FHIP2A: variants seen among roughly 807,000 people sequenced by gnomAD.
The protein encoded by FHIP2A is family with sequence similarity 160 member B1.
In FHIP2A, 46 loss-of-function variants were observed where a neutral mutation model predicts 93.5. The ratio of observed to expected loss-of-function variants is 0.49; its 90% CI spans 0.39 to 0.63. The LOEUF (loss-of-function observed/expected upper bound fraction) is 0.63, where lower values mean the gene tolerates loss of function less well. Among genes scored for constraint, FHIP2A ranks in the 20% least tolerant of loss-of-function variants. FHIP2A has a pLI of 0.00. For synonymous variants in FHIP2A, 332 were observed against 326.5 expected, an observed-to-expected ratio of 1.02 and a Z score of -0.18; for missense variants, 769 against 909.7, an observed-to-expected ratio of 0.85 and a Z score of 1.99.
chr10:114,888,029 GC>G (rs1490709961), intron 16 of FHIP2A, among the ~76,000 whole-genome samples: 2 of 152,122 alleles, frequency 1.3e-5, no homozygotes, highest in African/African-American at 4.8e-5. Flanking sequence ...TCATTCCCCA[GC>G]CCCATCTCAG....
intron 13 of FHIP2A, among the ~76,000 whole-genome samples, chr10:114,849,285 C>T (rs1026643869): frequency 1.3e-5 from 2 of 152,080 alleles, no homozygotes; most frequent in African/African-American, 2.4e-5. Context: ...TATATCTCAC[C>T]CGGATCCATT....
chr10:114,861,649 A>G lies in FHIP2A; in HGVS notation c.*109A>G. On this transcript the variant is annotated 3_prime_UTR_variant, in exon 17 of 17. Transcript: ENST00000369248. Reference sequence around the variant, plus strand: ...GATAAAAAGCCTTTTTAAACGCAGTATTGCTGTAAACTGGACAGAACCATT... The same window carrying G: ...GATAAAAAGCCTTTTTAAACGCAGTGTTGCTGTAAACTGGACAGAACCATT... The G allele has an allele frequency of 6.8e-7, 1 of 1,475,744 alleles. No homozygotes were observed. Among genetic ancestry groups the G allele is most frequent in the South Asian group, 1.4e-5 (1 of 71,446 alleles). 91.4% of individuals were successfully genotyped at this position (1,475,744 alleles called of 1,614,324 possible).
In FHIP2A at chr10:114,836,157, A is replaced by G. The variant is rs754524961; in HGVS notation, c.433A>G (p.Thr145Ala). Residue 145 changes from threonine to alanine, a missense_variant, in exon 5 of 17, where the codon ACA becomes GCA. Coordinates refer to ENST00000369248, the MANE Select transcript of FHIP2A (RefSeq NM_020940.4). Reference protein sequence around the residue: ...LIRLCGEVLATPTENEEIQFL... With the variant: ...LIRLCGEVLAAPTENEEIQFL... Reference sequence around the variant, plus strand: ...TAGACTCTGTGGTGAAGTCCTAGCAACACCAACAGAAAATGAAGAGATTCA... The same window carrying G: ...TAGACTCTGTGGTGAAGTCCTAGCAGCACCAACAGAAAATGAAGAGATTCA... 5.0e-6 allele frequency: 8 copies of G among 1,602,114 alleles called. 1 individual carries two copies. The highest frequency in any genetic ancestry group is 1.7e-5 in the Admixed American group (1 of 59,966).
chr10:114,861,366 A>G (rs1311903338), intron 16 of FHIP2A, 32 bp downstream of exon 16: 2 of 1,613,462 alleles, frequency 1.2e-6, no homozygotes, highest in African/African-American at 1.3e-5. Context: ...TTTTAATCCA[A>G]AAATTTCAGT....
At chr10:114,860,090 G>A (rs34683721) in intron 14 of FHIP2A, among the ~76,000 whole-genome samples, 48,399 of 151,922 alleles carry the variant, frequency 0.32, 8,285 homozygotes, top group Non-Finnish European at 0.39. Flanking sequence ...TATGCTCAAT[G>A]GGTCCTCTGT....
chr10:114,851,600 T>A (rs2083736438), intron 13 of FHIP2A, among the ~76,000 whole-genome samples: 1 of 150,660 alleles, frequency 6.6e-6, no homozygotes, highest in African/African-American at 2.4e-5. Context: ...TTGCAGTAAG[T>A]TTTGAAATTG....
chr10:114,860,956 T>C (rs556189263), intron 15 of FHIP2A, 67 bp downstream of exon 15: 4 of 1,430,636 alleles, frequency 2.8e-6, no homozygotes, highest in Middle Eastern at 1.8e-4. Context: ...GTTAATATCA[T>C]TGTATGCAGT....
At chr10:114,868,172 A>C (rs2083839901), downstream of FHIP2A, among the ~76,000 whole-genome samples, 1 of 151,900 alleles carries the variant, frequency 6.6e-6, no homozygotes, top group Non-Finnish European at 1.5e-5. Context: ...TCTTCTCTCT[A>C]GTTCAGGGGT....
chr10:114,880,443 G>C (rs980363935), intron 16 of FHIP2A, among the ~76,000 whole-genome samples: 3 of 152,184 alleles, frequency 2.0e-5, no homozygotes, highest in African/African-American at 7.2e-5. Flanking sequence ...ACTTTGGGAG[G>C]CCAAGGCAGG....
chr10:114,890,004 T>G (rs2143016009), intron 16 of FHIP2A, among the ~76,000 whole-genome samples: 1 of 152,212 alleles, frequency 6.6e-6, no homozygotes, highest in East Asian at 1.9e-4. Context: ...GTACTTTATC[T>G]CAGTCTCTTG....
chr10:114,868,646 C>T (rs1252342081), downstream of FHIP2A, among the ~76,000 whole-genome samples: 8 of 152,050 alleles, frequency 5.3e-5, no homozygotes, highest in Admixed American at 6.6e-5. Context: ...AGGTAAAACC[C>T]CTAGCAGACT....
chr10:114,867,582 G>A (rs1422095616), downstream of FHIP2A, among the ~76,000 whole-genome samples: 4 of 152,112 alleles, frequency 2.6e-5, no homozygotes, highest in Non-Finnish European at 4.4e-5. Flanking sequence ...TTTTGACAGC[G>A]TTCTTTATTG....
intron 2 of FHIP2A, among the ~76,000 whole-genome samples, chr10:114,832,390 G>A (rs531732163): frequency 4.7e-4 from 71 of 152,182 alleles, no homozygotes; most frequent in African/African-American, 1.6e-3. Flanking sequence ...AGAAGAAAAT[G>A]AATTAAGGAC....
intron 16 of FHIP2A, among the ~76,000 whole-genome samples, chr10:114,875,843 GAAAGAAAGAA>G (rs1161811677): frequency 8.4e-5 from 11 of 130,540 alleles, no homozygotes; most frequent in Admixed American, 1.6e-4. Flanking sequence ...AAGAGAGAAA[GAAAGAAAGAA>G]AAAGAAAGAA....
At position 114,863,818 on chromosome 10, in the gene FHIP2A, A is replaced by C; in HGVS notation, c.*2278A>C. The C allele has an allele frequency of 9.4e-7, 1 of 1,067,786 alleles. No homozygotes were observed. Among genetic ancestry groups the C allele is most frequent in the South Asian group, 2.6e-5 (1 of 38,394 alleles). The allele number at this position is 1,067,786 out of a possible 1,614,324, so 66.1% of individuals were successfully genotyped here. A position where few individuals can be genotyped will look rare whatever the true frequency, so the allele number is the denominator to read the frequency against. ...ACTATGCTGAGTGGAAAGCACCGTC[A>C]TAACAATTGATTGCCATAGCAAGTT... On this transcript the variant is annotated 3_prime_UTR_variant, in exon 17 of 17. Coordinates refer to ENST00000369248, the MANE Select transcript of FHIP2A (RefSeq NM_020940.4).
rs536369757 is a variant in FHIP2A, at chr10:114,822,652, G to A, written c.45+529G>A. Among the ~76,000 whole-genome samples the A allele has an allele frequency of 6.6e-4, 101 of 152,356 alleles. 3 individuals are homozygous for A. In the South Asian group the frequency reaches 0.021, roughly 31 times the overall value. On this transcript the variant is annotated intron_variant, in intron 1 of 16. Coordinates refer to ENST00000369248, the MANE Select transcript of FHIP2A (RefSeq NM_020940.4). ...GGTCTCGCTGTGGGGCGTCCCTGGC[G>A]AGGGAGCCGCCGACCAGCCCCCGGG...
intron 16 of FHIP2A, among the ~76,000 whole-genome samples, chr10:114,899,107 G>A (rs2084014660): frequency 6.6e-6 from 1 of 152,184 alleles, no homozygotes; most frequent in Non-Finnish European, 1.5e-5. Context: ...AGACCAGTGG[G>A]GTGCAGCTTC....
chr10:114,874,046 C>T lies in FHIP2A; in HGVS notation c.2192+12712C>T, dbSNP rs370076509. On this transcript the variant is annotated intron_variant, in intron 16 of 16. Transcript: ENST00000369250. ...CGAGGAAAGGGTATTGGACTAGACA[C>T]GTGGTATTTATAAAGCCTTTCAACC... Among the ~76,000 whole-genome samples the T allele has an allele frequency of 8.5e-5, 13 of 152,100 alleles. No individual in the cohort carries two copies. The East Asian group carries it at 1.9e-3, about 22-fold the overall frequency.
intron 16 of FHIP2A, among the ~76,000 whole-genome samples, chr10:114,874,730 C>G (rs913605093): frequency 2.2e-4 from 33 of 152,158 alleles, no homozygotes; most frequent in African/African-American, 8.0e-4. Context: ...TCTCGAACTC[C>G]TGACCTCAGG....
Sources: allele counts gnomAD v4.1 joint callset (sites outside exome capture counted in the v4.1 genomes callset), GRCh38; gene constraint gnomAD v4.1.1; transcripts MANE v1.5; gene names NCBI Gene and HGNC (gene_info 2026-07-23, HGNC 2026-07-21).